Variants in NDE1 observed in about 807,000 individuals in gnomAD.
NDE1 encodes nuclear distribution protein nudE homolog 1.
A neutral mutation model predicts 43.4 loss-of-function variants in NDE1; 28 were observed. The ratio of observed to expected loss-of-function variants is 0.65; its 90% CI spans 0.48 to 0.89. The LOEUF is 0.89. Among genes scored for constraint, NDE1 ranks in the 40% least tolerant of loss-of-function variants. NDE1 has a pLI of 0.00. For synonymous variants in NDE1, 184 were observed against 172.0 expected, an observed-to-expected ratio of 1.07 and a Z score of -0.55; for missense variants, 441 against 434.1, an observed-to-expected ratio of 1.02 and a Z score of -0.14.
chr16:15,716,033 G>A (rs1056168635), intron 8 of NDE1, among the ~76,000 whole-genome samples: 12 of 152,018 alleles, frequency 7.9e-5, no homozygotes, highest in South Asian at 2.1e-4. Flanking sequence ...AGGGTGAGGC[G>A]GAGGTTGCAG....
chr16:15,658,680 G>T (rs1461858432), intron 1 of NDE1, among the ~76,000 whole-genome samples: 1 of 152,150 alleles, frequency 6.6e-6, no homozygotes, highest in East Asian at 1.9e-4. Flanking sequence ...TTTTTGAAAT[G>T]GAGTCTTGCT....
chr16:15,689,096 T>C (rs2038598081), intron 5 of NDE1, among the ~76,000 whole-genome samples: 1 of 152,188 alleles, frequency 6.6e-6, no homozygotes, highest in African/African-American at 2.4e-5. Flanking sequence ...TAGTTGTTCC[T>C]AGATGTCCAT....
rs112118461 is a variant in NDE1, at chr16:15,691,258, C to T, written c.638C>T (p.Pro213Leu). Residue 213 changes from proline (P) to leucine (L), a missense_variant, in exon 6 of 9, where the codon CCG (proline) becomes CTG (leucine). Physicochemically the swap from Pro to Leu is moderately conservative, Grantham distance 98. Transcript: ENST00000396354. ...GCTGTGCAGGCCACGGGCTCCGTGC[C>T]GTCCACGCCCATTGCTCACCGAGGA... ...DTAVQATGSV[P>L]STPIAHRGPS... The T allele has an allele frequency of 2.7e-5, 44 of 1,614,094 alleles. 1 individual carries two copies. Among genetic ancestry groups the T allele is most frequent in the South Asian group, 1.8e-4 (16 of 91,078 alleles).
intron 8 of NDE1, chr16:15,718,189 C>A (rs1017925698): frequency 6.7e-7 from 1 of 1,497,046 alleles, no homozygotes; most frequent in South Asian, 1.1e-5. Context: ...TCAGGCCCCA[C>A]CACCCTCTTG....
chr16:15,720,321 G>C lies in NDE1; in HGVS notation c.948-3870G>C, dbSNP rs201567063. The stretch of plus-strand genomic sequence containing the variant: ...GTCTCATACTCGTGAAGCTGGGCGA[G>C]GAATAGAGATGTGTGCTGCCCCACT... On this transcript the variant is annotated intron_variant, in intron 8 of 8. Transcript: ENST00000396354. 1 of 1,612,994 alleles carries C rather than the reference G, an allele frequency of 6.2e-7. No homozygotes were observed. Among genetic ancestry groups the C allele is most frequent in the East Asian group, 2.2e-5 (1 of 44,854 alleles).
Position 15,703,739 on chromosome 16 carries a change from C to T in NDE1, c.947+6879C>T, listed in dbSNP as rs1596660266. On this transcript the variant is annotated intron_variant, in intron 8 of 8. Transcript: ENST00000396354. Reference sequence around the variant, plus strand: ...TAGTAGCTGGGACCACAGGTGTGTACCACCACGCCCAGCTTATTTTTAAAT... The same window carrying T: ...TAGTAGCTGGGACCACAGGTGTGTATCACCACGCCCAGCTTATTTTTAAAT... 1.4e-5 allele frequency: 7 copies of T among 508,334 alleles called. 1 individual carries two copies. The highest frequency in any genetic ancestry group is 1.2e-4 in the South Asian group (6 of 50,794). 31.5% of individuals were successfully genotyped at this position (508,334 alleles called of 1,614,324 possible). A position where few individuals can be genotyped will look rare whatever the true frequency, so the allele number is the denominator to read the frequency against.
At chr16:15,694,505 C>T (rs911885211) in intron 7 of NDE1, 1 of 1,199,998 alleles carries the variant, frequency 8.3e-7, no homozygotes, top group South Asian at 1.5e-5. Context: ...GCCACTATGC[C>T]TGGCTGATAC....
chr16:15,697,466 T>C (rs2039067149), intron 8 of NDE1, among the ~76,000 whole-genome samples: 1 of 152,158 alleles, frequency 6.6e-6, no homozygotes, highest in Non-Finnish European at 1.5e-5. Context: ...CCCAGCAGTC[T>C]GGGAGGCCAA....
chr16:15,655,637 C>G (rs2036723556), intron 1 of NDE1, among the ~76,000 whole-genome samples: 1 of 151,942 alleles, frequency 6.6e-6, no homozygotes, highest in Admixed American at 6.6e-5. Context: ...GGGTATATAC[C>G]CAAAGGACTA....
At chr16:15,687,954 C>G (rs1315795353) in intron 5 of NDE1, among the ~76,000 whole-genome samples, 1 of 151,406 alleles carries the variant, frequency 6.6e-6, no homozygotes, top group East Asian at 2.0e-4. Flanking sequence ...GGCCGAGGAT[C>G]TCTTGAGCCC....
rs1206241078 is a variant in NDE1 at position 15,677,869 on chromosome 16, G to T, written c.306G>T (p.Gln102His). The T allele has an allele frequency of 6.2e-7, 1 of 1,614,132 alleles. No homozygotes were observed. The highest frequency in any genetic ancestry group is 8.5e-7 in the Non-Finnish European group (1 of 1,180,034). ...CAGCCTTGGAGGATGACCTCGCGCAGACCAAAGCCATTAAAGACCAATTGC... is the reference window on the plus strand; with the variant it reads ...CAGCCTTGGAGGATGACCTCGCGCATACCAAAGCCATTAAAGACCAATTGC... ...QISALEDDLAQTKAIKDQLQK... is the reference protein window; with the variant it reads ...QISALEDDLAHTKAIKDQLQK... The change falls in exon 4 of 9, where the codon CAG becomes CAT. Residue 102 changes from glutamine (Q) to histidine (H), a missense_variant. Gln to His is a conservative substitution (Grantham distance 24). Coordinates refer to ENST00000396354, the MANE Select transcript of NDE1 (RefSeq NM_017668.3).
intron 3 of NDE1, among the ~76,000 whole-genome samples, chr16:15,675,087 G>A (rs185213227): frequency 6.6e-6 from 1 of 152,204 alleles, no homozygotes; most frequent in East Asian, 1.9e-4. Context: ...TGAAGATTGT[G>A]GGAACCAGGT....
intron 8 of NDE1, among the ~76,000 whole-genome samples, chr16:15,697,888 C>T (rs557082383): frequency 1.5e-3 from 231 of 151,042 alleles, no homozygotes; most frequent in African/African-American, 4.5e-3. Context: ...CTCACTGCAA[C>T]CTCTGCCTCC....
At chr16:15,658,045 G>C (rs535618475) in intron 1 of NDE1, among the ~76,000 whole-genome samples, 2 of 152,320 alleles carry the variant, frequency 1.3e-5, no homozygotes, top group Admixed American at 1.3e-4. Context: ...AGGTGTGGCT[G>C]CATCTAGGTG....
chr16:15,683,068 A>G (rs911790202), intron 4 of NDE1, among the ~76,000 whole-genome samples: 18 of 152,066 alleles, frequency 1.2e-4, no homozygotes, highest in Admixed American at 3.3e-4. Context: ...GCTGGTCTCA[A>G]ACTCCTGGAT....
intron 3 of NDE1, 35 bp from the exon 4 acceptor site, chr16:15,677,766 T>G (rs779863305): frequency 1.9e-6 from 3 of 1,613,536 alleles, no homozygotes; most frequent in Non-Finnish European, 2.5e-6. Flanking sequence ...TCAGAAGTCT[T>G]AAGTCATTCA....
intron 3 of NDE1, among the ~76,000 whole-genome samples, chr16:15,671,499 A>G (rs1233675052): frequency 6.6e-6 from 1 of 151,948 alleles, no homozygotes; most frequent in Non-Finnish European, 1.5e-5. Context: ...GACAGAGCAA[A>G]AGTTAAAAAA....
chr16:15,694,489 G>A (rs2038916322), intron 7 of NDE1: 3 of 1,242,566 alleles, frequency 2.4e-6, no homozygotes, highest in East Asian at 5.3e-5. Context: ...TGGACCACAG[G>A]TGTGCGCCAC....
Position 15,664,628 on chromosome 16 carries a change from TATAGGCGTGAGCC to T in NDE1, c.-43-106_-43-94del, listed in dbSNP as rs1361310077. The T allele has an allele frequency of 1.0e-5, 7 of 691,470 alleles. No individual in the cohort carries two copies. In the East Asian group the frequency reaches 1.8e-4, roughly 17 times the overall value. The allele number at this position is 691,470 out of a possible 1,614,324, so 42.8% of individuals were successfully genotyped here. On this transcript the variant is annotated intron_variant, in intron 1 of 8. Coordinates refer to ENST00000396354, the MANE Select transcript of NDE1 (RefSeq NM_017668.3). The stretch of plus-strand genomic sequence containing the variant: ...CCTCAGCCTCCCAAAGTGCTGGGAT[TATAGGCGTGAGCC>T]ACCGCGCCTGGCCAAGTTTTTTTTT...
Sources: allele counts gnomAD v4.1 joint callset (sites outside exome capture counted in the v4.1 genomes callset), GRCh38; gene constraint gnomAD v4.1.1; transcripts MANE v1.5; gene names NCBI Gene and HGNC (gene_info 2026-07-23, HGNC 2026-07-21).